The following ECPAS variants were observed in gnomAD, a reference collection of about 807,000 sequenced individuals.
ECPAS encodes Ecm29 proteasome adaptor and scaffold.
Under a neutral mutation model 255.1 loss-of-function variants are expected in ECPAS, and 70 were observed. That is an observed-to-expected ratio of 0.27 (90% CI 0.23 to 0.33). ECPAS has a LOEUF of 0.33. ECPAS is among the 10% of genes least tolerant of loss of function. ECPAS has a pLI of 1.00. For synonymous variants in ECPAS, 784 were observed against 775.0 expected (o/e 1.01, Z -0.19); for missense variants, 1,817 against 2,206.4 (o/e 0.82, Z 3.54).
At chr9:111,404,111 C>T (rs2098180353) in intron 24 of ECPAS, among the ~76,000 whole-genome samples, 3 of 149,172 alleles carry the variant, frequency 2.0e-5, no homozygotes, top group Admixed American at 2.0e-4. Flanking sequence ...ACAGCAAAAG[C>T]AGTGCTAAGT....
At position 111,392,846 on chromosome 9, in the gene ECPAS, A is replaced by G. The variant is rs776536343; in HGVS notation, c.3014T>C (p.Leu1005Ser). 3 of 1,613,576 alleles carry G rather than the reference A, an allele frequency of 1.9e-6. No homozygotes were observed. Among genetic ancestry groups the G allele is most frequent in the Non-Finnish European group, 2.5e-6 (3 of 1,179,680 alleles). Reference sequence around the variant, plus strand: ...TTGTTCATTGCCTAGTTCATAAACCAACCCAAGGCCCTTTGATGCAACATC... The same window carrying G: ...TTGTTCATTGCCTAGTTCATAAACCGACCCAAGGCCCTTTGATGCAACATC... ...SQDVASKGLG[L>S]VYELGNEQDQ... The change falls in exon 28 of 50, where the codon TTG becomes TCG. Residue 1005 changes from leucine (L) to serine (S), a missense_variant. Around this residue, in one of 4 missense-constraint regions of ECPAS, gnomAD observed 960 missense variants for 1,179.0 expected, o/e 0.81. Transcript: ENST00000684092.
At position 111,420,054 on chromosome 9, in the gene ECPAS, G is replaced by A. The variant is rs749658481; in HGVS notation, c.1522C>T (p.Pro508Ser). 1.2e-6 allele frequency: 2 copies of A among 1,612,502 alleles called. No individual in the cohort carries two copies. The highest frequency in any genetic ancestry group is 2.2e-5 in the South Asian group (2 of 91,010). The change falls in exon 16 of 50, where the codon CCT becomes TCT. Residue 508 changes from proline to serine, a missense_variant. Physicochemically the swap from Pro to Ser is moderately conservative, Grantham distance 74. Transcript: ENST00000684092. ...GCCAGTAGCAGCAAATATCTGGAAG[G>A]GATATGATCTGAGGGAAACACCGTA... ...ASTVFPSDHI[P>S]SRYLLLLAAG...
intron 35 of ECPAS, among the ~76,000 whole-genome samples, chr9:111,382,332 T>C (rs2098141672): frequency 6.7e-6 from 1 of 149,444 alleles, no homozygotes; most frequent in South Asian, 2.1e-4. Flanking sequence ...TGGCGCAATC[T>C]GGGCTCACCG....
chr9:111,409,682 G>A (rs779832353), intron 23 of ECPAS, among the ~76,000 whole-genome samples: 2 of 151,888 alleles, frequency 1.3e-5, no homozygotes, highest in Non-Finnish European at 2.9e-5. Flanking sequence ...GCTTTAGGAG[G>A]TTAGGATTTA....
chr9:111,385,650 A>T (rs2098147136), intron 32 of ECPAS, among the ~76,000 whole-genome samples: 1 of 152,200 alleles, frequency 6.6e-6, no homozygotes, highest in Non-Finnish European at 1.5e-5. Context: ...TCCCACAACT[A>T]TAATACAATC....
At chr9:111,461,387 C>T (rs1324508321) in intron 2 of ECPAS, among the ~76,000 whole-genome samples, 1 of 151,974 alleles carries the variant, frequency 6.6e-6, no homozygotes, top group East Asian at 1.9e-4. Context: ...ACTGCTTGAG[C>T]CCAGGAGGTA....
chr9:111,455,197 T>G (rs12344283), intron 2 of ECPAS, among the ~76,000 whole-genome samples: 1 of 152,152 alleles, frequency 6.6e-6, no homozygotes, highest in Non-Finnish European at 1.5e-5. Flanking sequence ...TAGAAACACT[T>G]GCTTTCGGCC....
At chr9:111,483,571 G>C in intron 1 of ECPAS, 2 of 791,322 alleles carry the variant, frequency 2.5e-6, no homozygotes, top group Non-Finnish European at 3.0e-6. Context: ...ACGAGGGAGG[G>C]GCTGGGGGGG....
intron 46 of ECPAS, among the ~76,000 whole-genome samples, chr9:111,367,214 T>C (rs1314314517): frequency 6.6e-6 from 1 of 152,180 alleles, no homozygotes; most frequent in African/African-American, 2.4e-5. Flanking sequence ...TTAATTACTG[T>C]AGGATTTAGT....
chr9:111,461,882 G>C (rs2098273584), intron 2 of ECPAS, among the ~76,000 whole-genome samples: 1 of 152,172 alleles, frequency 6.6e-6, no homozygotes, highest in Non-Finnish European at 1.5e-5. Flanking sequence ...CAGGCAAAGG[G>C]ACAGCTTGTA....
At chr9:111,392,512 C>T (rs958831053) in intron 28 of ECPAS, among the ~76,000 whole-genome samples, 1 of 152,150 alleles carries the variant, frequency 6.6e-6, no homozygotes, top group Non-Finnish European at 1.5e-5. Context: ...ACAGTAATTA[C>T]GGCATTTTTC....
At chr9:111,443,224 A>G (rs1371829984) in intron 4 of ECPAS, among the ~76,000 whole-genome samples, 1 of 152,202 alleles carries the variant, frequency 6.6e-6, no homozygotes, top group East Asian at 1.9e-4. Context: ...ATTTACAGAT[A>G]AGATTAAGAT....
At chr9:111,407,289 C>G (rs1486875129) in intron 24 of ECPAS, among the ~76,000 whole-genome samples, 1 of 145,824 alleles carries the variant, frequency 6.9e-6, no homozygotes, top group African/African-American at 2.7e-5. Context: ...GTAATCCCAA[C>G]TACTTAGGAG....
At chr9:111,385,524 AG>A in intron 32 of ECPAS, 82 bp from the exon 33 acceptor site, 1 of 814,966 alleles carries the variant, frequency 1.2e-6, no homozygotes, top group Non-Finnish European at 2.0e-6. Flanking sequence ...AAAAGAATAC[AG>A]ATTCTGCCTC....
At position 111,370,566 on chromosome 9, in the gene ECPAS, G is replaced by C. The variant is rs1333006438; in HGVS notation, c.4843C>G (p.Leu1615Val). The C allele has an allele frequency of 1.2e-6, 2 of 1,610,776 alleles. No homozygotes were observed. Among genetic ancestry groups the C allele is most frequent in the East Asian group, 2.2e-5 (1 of 44,726 alleles). The part of the protein sequence containing the change: ...PSTNEILQAV[L>V]KECSKENVKY... ...ACATTCTCTTTGCTACATTCCTTCA[G>C]AACAGCTTGAAGAATTTCATTTGTG... is the stretch of plus-strand genomic sequence containing the variant. Residue 1615 changes from leucine (L) to valine (V), a missense_variant, in exon 45 of 50, where the codon CTG (leucine) becomes GTG (valine). Coordinates refer to ENST00000684092, the MANE Select transcript of ECPAS (RefSeq NM_001364929.1).
Position 111,366,315 on chromosome 9 carries a change from C to G in ECPAS, c.5232G>C (p.Leu1744Phe). The G allele has an allele frequency of 6.4e-7, 1 of 1,572,842 alleles. No homozygotes were observed. Among genetic ancestry groups the G allele is most frequent in the Non-Finnish European group, 8.6e-7 (1 of 1,157,448 alleles). Residue 1744 changes from leucine (L) to phenylalanine (F), a missense_variant, in exon 48 of 50, where the codon TTG becomes TTC. By Grantham distance (22) the Leu-to-Phe change is conservative. Around this residue, in one of 4 missense-constraint regions of ECPAS, gnomAD observed 960 missense variants for 1,179.0 expected, o/e 0.81. Transcript: ENST00000684092. ...MNAFFQGLML[L>F]EEEHADPEAL... The stretch of plus-strand genomic sequence containing the variant: ...CCTCAGGATCGGCATGTTCTTCTTC[C>G]AAAAGCATTAACCTATACAAATCAG...
At chr9:111,399,505 G>C (rs2098172461) in intron 24 of ECPAS, among the ~76,000 whole-genome samples, 1 of 152,232 alleles carries the variant, frequency 6.6e-6, no homozygotes, top group South Asian at 2.1e-4. Flanking sequence ...GCATCAGGCA[G>C]AATTCTGCCA....
Position 111,413,939 on chromosome 9 carries a change from C to A in ECPAS, c.2035G>T (p.Glu679Ter). Residue 679 changes from glutamate to a stop codon, truncating the protein, a stop_gained, in exon 20 of 50, where the codon GAA becomes TAA. Coordinates refer to ENST00000684092, the MANE Select transcript of ECPAS (RefSeq NM_001364929.1). LOFTEE classifies it high-confidence loss of function. The stretch of plus-strand genomic sequence containing the variant: ...TCTACAAATTTGGTAGCCAGCTTTT[C>A]TGGATACACTGACACAGCTTCCAAT... ...CLLEAVSVYPEKLATKFVDKT... is the reference protein window; with the variant it reads ...CLLEAVSVYP 6.3e-7 allele frequency: 1 copy of A among 1,589,990 alleles called. No individual in the cohort carries two copies. Among genetic ancestry groups the A allele is most frequent in the Non-Finnish European group, 8.6e-7 (1 of 1,167,032 alleles).
intron 12 of ECPAS, among the ~76,000 whole-genome samples, chr9:111,425,117 C>A (rs528697741): frequency 6.6e-6 from 1 of 151,412 alleles, no homozygotes; most frequent in African/African-American, 2.4e-5. Flanking sequence ...AACCAGGAGC[C>A]GGAGGTTGCA....
Sources: allele counts gnomAD v4.1 joint callset (sites outside exome capture counted in the v4.1 genomes callset), GRCh38; gene constraint gnomAD v4.1.1; regional missense constraint gnomAD v4.1.1; transcripts MANE v1.5; gene names NCBI Gene and HGNC (gene_info 2026-07-23, HGNC 2026-07-21).